SLC2A13: variants seen among roughly 807,000 people sequenced by gnomAD.
SLC2A13 encodes the protein proton myo-inositol cotransporter.
Under a neutral mutation model 64.4 loss-of-function variants are expected in SLC2A13, and 32 were observed. The ratio of observed to expected loss-of-function variants is 0.50; its 90% CI spans 0.37 to 0.67. SLC2A13 has a LOEUF of 0.67. Among genes scored for constraint, SLC2A13 ranks in the 30% least tolerant of loss-of-function variants. The pLI, the probability that SLC2A13 is intolerant of heterozygous loss-of-function variation, is 0.00. For synonymous variants in SLC2A13, 338 were observed against 327.1 expected (o/e 1.03, Z -0.36); for missense variants, 743 against 829.2 (o/e 0.90, Z 1.28).
At chr12:40,099,683 C>T (rs1185259006) in intron 1 of SLC2A13, among the ~76,000 whole-genome samples, 3 of 152,244 alleles carry the variant, frequency 2.0e-5, no homozygotes, top group Middle Eastern at 6.8e-3. Flanking sequence ...TAGGCAAACA[C>T]AACTAGATCA....
intron 1 of SLC2A13, among the ~76,000 whole-genome samples, chr12:40,082,876 A>G (rs890510990): frequency 2.6e-5 from 4 of 152,196 alleles, no homozygotes; most frequent in African/African-American, 9.7e-5. Context: ...AGGGTCAGGA[A>G]TAAGTCCTGG....
intron 4 of SLC2A13, among the ~76,000 whole-genome samples, chr12:39,884,135 A>T (rs890380624): frequency 1.3e-4 from 20 of 152,294 alleles, no homozygotes; most frequent in African/African-American, 4.6e-4. Context: ...CTGTATTTTT[A>T]GTGTATGTAT....
chr12:39,806,242 G>A (rs1448553836), intron 7 of SLC2A13, among the ~76,000 whole-genome samples: 1 of 152,150 alleles, frequency 6.6e-6, no homozygotes, highest in Admixed American at 6.6e-5. Flanking sequence ...AATGCTGAAA[G>A]ATCAGAACAA....
intron 1 of SLC2A13, among the ~76,000 whole-genome samples, chr12:40,074,826 C>T (rs914050859): frequency 6.6e-6 from 1 of 152,146 alleles, no homozygotes; most frequent in Admixed American, 6.6e-5. Flanking sequence ...AAACACTCTA[C>T]AGTGTTATGA....
intron 1 of SLC2A13, among the ~76,000 whole-genome samples, chr12:40,102,296 A>G (rs1939177387): frequency 6.6e-6 from 1 of 152,254 alleles, no homozygotes; most frequent in Non-Finnish European, 1.5e-5. Flanking sequence ...AGTGTTGAAT[A>G]GATAATGATT....
In SLC2A13 at chr12:39,951,350, C is replaced by A; in HGVS notation, c.941G>T (p.Cys314Phe). 6.3e-7 allele frequency: 1 copy of A among 1,593,236 alleles called. No individual in the cohort carries two copies. Among genetic ancestry groups the A allele is most frequent in the Non-Finnish European group, 8.5e-7 (1 of 1,171,390 alleles). ...KEVGSAGPVICRMLSYPPTRR... is the reference protein window; with the variant it reads ...KEVGSAGPVIFRMLSYPPTRR... ...AGTTGGGGGATAACTCAGCATTCTG[C>A]AGATCACAGGTCCAGCTTTTTTAAG... Residue 314 changes from cysteine (C) to phenylalanine (F), a missense_variant, in exon 4 of 10, where the codon TGC becomes TTC. By Grantham distance (205) the Cys-to-Phe change is radical. Around this residue, in one of 2 missense-constraint regions of SLC2A13, gnomAD observed 448 missense variants for 447.4 expected, o/e 1.00. Transcript: ENST00000280871.
chr12:39,791,064 GTTGT>G (rs1452476072), intron 7 of SLC2A13, among the ~76,000 whole-genome samples: 10 of 140,650 alleles, frequency 7.1e-5, no homozygotes, highest in African/African-American at 2.6e-4. Context: ...TTTTGATGGG[GTTGT>G]TTGTTTTTTT....
chr12:39,895,901 C>CATATGTATATACGTGTATATGCACACAT (rs1456682281), intron 4 of SLC2A13, among the ~76,000 whole-genome samples: 802 of 41,556 alleles, frequency 0.019, 331 homozygotes, highest in Middle Eastern at 0.065. Flanking sequence ...TATGCACACA[C>CATATGTATATACGTGTATATGCACACAT]ATATGTATAT....
chr12:39,926,604 A>C (rs957198522), intron 4 of SLC2A13, among the ~76,000 whole-genome samples: 1 of 152,064 alleles, frequency 6.6e-6, no homozygotes, highest in Non-Finnish European at 1.5e-5. Context: ...AACCAAATAC[A>C]GTTCTAACCT....
chr12:39,812,369 TTTCTTTTCTTTTCTTTCTTTCTC>T (rs1209717984), intron 7 of SLC2A13, among the ~76,000 whole-genome samples: 20 of 125,264 alleles, frequency 1.6e-4, no homozygotes, highest in South Asian at 4.8e-4. Context: ...TTTCTTTTCT[TTTCTTTTCTTTTCTTTCTTTCTC>T]TCTCTCTTTC....
chr12:40,035,442 A>G (rs1947967330), intron 2 of SLC2A13, among the ~76,000 whole-genome samples: 2 of 152,220 alleles, frequency 1.3e-5, no homozygotes, highest in African/African-American at 2.4e-5. Context: ...AAACATTGCC[A>G]CATTGAGATC....
chr12:40,046,063 T>C (rs1948167316), intron 2 of SLC2A13, among the ~76,000 whole-genome samples: 3 of 152,230 alleles, frequency 2.0e-5, no homozygotes, highest in Non-Finnish European at 1.5e-5. Flanking sequence ...TGATTCTTCA[T>C]TTATTATCTG....
At chr12:39,958,839 C>T (rs1319359879) in intron 3 of SLC2A13, among the ~76,000 whole-genome samples, 1 of 152,024 alleles carries the variant, frequency 6.6e-6, no homozygotes. Flanking sequence ...CTGGACCAGG[C>T]TCTCACTCCT....
chr12:39,844,688 T>TAG (rs2135881845), intron 6 of SLC2A13, among the ~76,000 whole-genome samples: 1 of 152,244 alleles, frequency 6.6e-6, no homozygotes, highest in East Asian at 1.9e-4. Context: ...CTTTCAATGC[T>TAG]ACTTCAAGTG....
At chr12:40,045,820 G>A (rs1303087102) in intron 2 of SLC2A13, among the ~76,000 whole-genome samples, 4 of 152,098 alleles carry the variant, frequency 2.6e-5, no homozygotes, top group African/African-American at 4.8e-5. Flanking sequence ...GGGATTCCAT[G>A]GTTACTTGGA....
intron 6 of SLC2A13, among the ~76,000 whole-genome samples, chr12:39,836,072 C>T (rs946683877): frequency 6.6e-6 from 1 of 152,008 alleles, no homozygotes; most frequent in African/African-American, 2.4e-5. Flanking sequence ...CACAGAAAAG[C>T]CAGAGAAAGA....
intron 7 of SLC2A13, among the ~76,000 whole-genome samples, chr12:39,784,767 C>G (rs1941125226): frequency 6.6e-6 from 1 of 152,158 alleles, no homozygotes. Flanking sequence ...GCAAAAGAAA[C>G]TACCATCAGA....
At chr12:39,970,903 C>T (rs1366876837) in intron 3 of SLC2A13, among the ~76,000 whole-genome samples, 1 of 152,024 alleles carries the variant, frequency 6.6e-6, no homozygotes, top group Non-Finnish European at 1.5e-5. Context: ...ACCTTTTTTC[C>T]CCCTTGTGAA....
chr12:40,093,886 G>C (rs1223928634), intron 1 of SLC2A13, among the ~76,000 whole-genome samples: 1 of 152,106 alleles, frequency 6.6e-6, no homozygotes, highest in Non-Finnish European at 1.5e-5. Context: ...GCTAATCAGG[G>C]GCTTTGGGCA....
Sources: allele counts gnomAD v4.1 joint callset (sites outside exome capture counted in the v4.1 genomes callset), GRCh38; gene constraint gnomAD v4.1.1; regional missense constraint gnomAD v4.1.1; transcripts MANE v1.5; gene names NCBI Gene and HGNC (gene_info 2026-07-23, HGNC 2026-07-21).